Variants in FOXD4L5 observed in about 807,000 individuals in gnomAD.
FOXD4L5 encodes forkhead box D4 like 5, also known as forkhead box protein D4-like 5.
For missense variants in FOXD4L5, 5 were observed against 544.3 expected, an observed-to-expected ratio of 0.01 and a Z score of 9.86; for synonymous variants, 2 against 238.5, an observed-to-expected ratio of 0.01 and a Z score of 9.14.
rs1307242069 is a variant in FOXD4L5, at chr9:65,284,544, C to A, written c.-167G>T. ...TCTACTCCTTTGCAACAACGTCCGGCAAAGATGCCTTTGCCTTTTATAAAA... is the reference window on the plus strand; with the variant it reads ...TCTACTCCTTTGCAACAACGTCCGGAAAAGATGCCTTTGCCTTTTATAAAA... On this transcript the variant is annotated 5_prime_UTR_variant, in exon 1 of 1. Coordinates refer to ENST00000377420, the MANE Select transcript of FOXD4L5 (RefSeq NM_001126334.1). The A allele has an allele frequency of 2.5e-6, 1 of 399,212 alleles. No individual in the cohort carries two copies. The highest frequency in any genetic ancestry group is 2.4e-5 in the African/African-American group (1 of 41,954). The allele number at this position is 399,212 out of a possible 1,614,324, so 24.7% of individuals were successfully genotyped here.
At position 65,284,388 on chromosome 9, in the gene FOXD4L5, G is replaced by T. The variant is rs1361699884; in HGVS notation, c.-11C>A. 4 of 1,460,772 alleles carry T rather than the reference G, an allele frequency of 2.7e-6. No individual in the cohort carries two copies. Among genetic ancestry groups the T allele is most frequent in the South Asian group, 2.4e-5 (2 of 81,964 alleles). The allele number at this position is 1,460,772 out of a possible 1,614,324, so 90.5% of individuals were successfully genotyped here. A position where few individuals can be genotyped will look rare whatever the true frequency, so the allele number is the denominator to read the frequency against. On this transcript the variant is annotated 5_prime_UTR_variant, in exon 1 of 1. Coordinates refer to ENST00000377420, the MANE Select transcript of FOXD4L5 (RefSeq NM_001126334.1). ...TCTTGGCAGGTTCATGGAGGAGCAG[G>T]TGCTTCAGTCGCAGGGGATGTGGCG...
chr9:65,282,670 GCATACAGGGAAT>G lies in FOXD4L5; in HGVS notation c.*445_*456del, dbSNP rs1259585660. ...AACTTCAGTGAAACCTGTCCATCAGGCATACAGGGAATGACGGAAAAGGTGACAACAGAAGAT... is the reference window on the plus strand; with the variant it reads ...AACTTCAGTGAAACCTGTCCATCAGGGACGGAAAAGGTGACAACAGAAGAT... On this transcript the variant is annotated 3_prime_UTR_variant, in exon 1 of 1. Coordinates refer to ENST00000377420, the MANE Select transcript of FOXD4L5 (RefSeq NM_001126334.1). 4.5e-5 allele frequency: 7 copies of G among 156,070 alleles called. 3 individuals are homozygous for G. The highest frequency in any genetic ancestry group is 9.7e-5 in the Non-Finnish European group (7 of 71,980). 9.7% of individuals were successfully genotyped at this position (156,070 alleles called of 1,614,324 possible). A position where few individuals can be genotyped will look rare whatever the true frequency, so the allele number is the denominator to read the frequency against.
chr9:65,282,721 C>T lies in FOXD4L5; in HGVS notation c.*406G>A, dbSNP rs2131055715. 1 of 262,948 alleles carries T rather than the reference C, an allele frequency of 3.8e-6. No individual in the cohort carries two copies. The highest frequency in any genetic ancestry group is 7.2e-6 in the Non-Finnish European group (1 of 138,012). The allele number at this position is 262,948 out of a possible 1,614,324, so 16.3% of individuals were successfully genotyped here. A position where few individuals can be genotyped will look rare whatever the true frequency, so the allele number is the denominator to read the frequency against. On this transcript the variant is annotated 3_prime_UTR_variant, in exon 1 of 1. Transcript: ENST00000377420. ...ACAACAGAAGATGAATGCTATGTCA[C>T]TAACCTTCAAAGATGACAATGTGCA...
chr9:65,285,194 A>AG lies in FOXD4L5; in HGVS notation c.-818dup, dbSNP rs1176942384. 2.2e-3 allele frequency: 232 copies of AG among 107,148 alleles called. No homozygotes were observed. Among genetic ancestry groups the AG allele is most frequent in the African/African-American group, 7.0e-3 (221 of 31,624 alleles). The allele number at this position is 107,148 out of a possible 1,614,324, so 6.6% of individuals were successfully genotyped here. ...AGCACTAAATTGTGTAAGTTTATTC[A>AG]GGGAAGGCAGGAGAGCTCACACGGA... On this transcript the variant is annotated 5_prime_UTR_variant, in exon 1 of 1. Transcript: ENST00000377420.
rs1179263416 is a variant in FOXD4L5 at position 65,282,107 on chromosome 9, A to G, written c.*1020T>C. 4 of 28,610 alleles carry G rather than the reference A, an allele frequency of 1.4e-4. No homozygotes were observed. Among genetic ancestry groups the G allele is most frequent in the African/African-American group, 2.2e-4 (4 of 18,288 alleles). The allele number at this position is 28,610 out of a possible 1,614,324, so 1.8% of individuals were successfully genotyped here. A position where few individuals can be genotyped will look rare whatever the true frequency, so the allele number is the denominator to read the frequency against. On this transcript the variant is annotated 3_prime_UTR_variant, in exon 1 of 1. Coordinates refer to ENST00000377420, the MANE Select transcript of FOXD4L5 (RefSeq NM_001126334.1). ...AGCATTGAAGTCCGTATACTTCAAT[A>G]TCCTCCCCTCTTCTCATTTGTCTTT...
Position 65,282,700 on chromosome 9 carries a change from C to T in FOXD4L5, c.*427G>A. 1 of 205,104 alleles carries T rather than the reference C, an allele frequency of 4.9e-6. No individual in the cohort carries two copies. Among genetic ancestry groups the T allele is most frequent in the Non-Finnish European group, 9.9e-6 (1 of 101,420 alleles). 12.7% of individuals were successfully genotyped at this position (205,104 alleles called of 1,614,324 possible). A position where few individuals can be genotyped will look rare whatever the true frequency, so the allele number is the denominator to read the frequency against. ...CAGGGAATGACGGAAAAGGTGACAA[C>T]AGAAGATGAATGCTATGTCACTAAC... On this transcript the variant is annotated 3_prime_UTR_variant, in exon 1 of 1. Coordinates refer to ENST00000377420, the MANE Select transcript of FOXD4L5 (RefSeq NM_001126334.1).
Position 65,282,187 on chromosome 9 carries a change from T to A in FOXD4L5, c.*940A>T, listed in dbSNP as rs1284042996. On this transcript the variant is annotated 3_prime_UTR_variant, in exon 1 of 1. Transcript: ENST00000377420. The stretch of plus-strand genomic sequence containing the variant: ...AATAAATTCTCTTTTTTAAACTGAA[T>A]TGAAGCCGTGGAGCAGTGTTTTGTT... 245 of 26,656 alleles carry A rather than the reference T, an allele frequency of 9.2e-3. 2 individuals are homozygous for A. Among genetic ancestry groups the A allele is most frequent in the African/African-American group, 0.014 (240 of 17,668 alleles). 1.7% of individuals were successfully genotyped at this position (26,656 alleles called of 1,614,324 possible).
At position 65,285,039 on chromosome 9, in the gene FOXD4L5, G is replaced by GAATTAT. The variant is rs1337439949; in HGVS notation, c.-668_-663dup. The GAATTAT allele has an allele frequency of 7.2e-5, 3 of 41,530 alleles. No individual in the cohort carries two copies. Among genetic ancestry groups the GAATTAT allele is most frequent in the South Asian group, 9.9e-4 (1 of 1,014 alleles). The allele number at this position is 41,530 out of a possible 1,614,324, so 2.6% of individuals were successfully genotyped here. On this transcript the variant is annotated 5_prime_UTR_variant, in exon 1 of 1. Transcript: ENST00000377420. ...CTGTCCTTACCCAGAATGGTGAGCT[G>GAATTAT]AATTATATTTAAGGTTCTGACAATA...
In FOXD4L5 at chr9:65,284,515, T is replaced by C; in HGVS notation, c.-138A>G. ...ACCCTTTGGGATGTTTTCGTCTGCT[T>C]GTTTCTACTCCTTTGCAACAACGTC... is the stretch of plus-strand genomic sequence containing the variant. On this transcript the variant is annotated 5_prime_UTR_variant, in exon 1 of 1. Transcript: ENST00000377420. The C allele has an allele frequency of 2.7e-6, 2 of 733,732 alleles. No individual in the cohort carries two copies. The highest frequency in any genetic ancestry group is 4.0e-6 in the Non-Finnish European group (2 of 498,870). 45.5% of individuals were successfully genotyped at this position (733,732 alleles called of 1,614,324 possible).
Position 65,284,412 on chromosome 9 carries a change from C to T in FOXD4L5, c.-35G>A, listed in dbSNP as rs543648113. ...GGTGCTTCAGTCGCAGGGGATGTGGCGGCCGATCACCTGGCCTGGGGCGGG... is the reference window on the plus strand; with the variant it reads ...GGTGCTTCAGTCGCAGGGGATGTGGTGGCCGATCACCTGGCCTGGGGCGGG... On this transcript the variant is annotated 5_prime_UTR_variant, in exon 1 of 1. Transcript: ENST00000377420. The T allele has an allele frequency of 2.0e-3, 2,587 of 1,293,646 alleles. 64 individuals carry two copies. In the African/African-American group the frequency reaches 0.034, roughly 17 times the overall value. The allele number at this position is 1,293,646 out of a possible 1,614,324, so 80.1% of individuals were successfully genotyped here.
chr9:65,283,474 G>A lies in FOXD4L5; in HGVS notation c.904C>T (p.His302Tyr), dbSNP rs1823516512. The A allele has an allele frequency of 1.9e-6, 3 of 1,611,054 alleles. No homozygotes were observed. Among genetic ancestry groups the A allele is most frequent in the Non-Finnish European group, 1.7e-6 (2 of 1,179,756 alleles). ...CTCCTCCCAAGGCTGAGGACCAAGT[G>A]AGGGCTGCAGCACGGGAAGGGTGCC... is the stretch of plus-strand genomic sequence containing the variant. ...TPAPFPCCSP[H>Y]LVLSLGRRAR... Residue 302 changes from histidine (H) to tyrosine (Y), a missense_variant, in exon 1 of 1, where the codon CAC becomes TAC. By Grantham distance (83) the His-to-Tyr change is moderately conservative. Transcript: ENST00000377420.
Position 65,284,537 on chromosome 9 carries a change from C to T in FOXD4L5, c.-160G>A. 4.5e-6 allele frequency: 2 copies of T among 446,634 alleles called. No homozygotes were observed. Among genetic ancestry groups the T allele is most frequent in the Non-Finnish European group, 7.5e-6 (2 of 265,528 alleles). The allele number at this position is 446,634 out of a possible 1,614,324, so 27.7% of individuals were successfully genotyped here. ...GCTTGTTTCTACTCCTTTGCAACAACGTCCGGCAAAGATGCCTTTGCCTTT... is the reference window on the plus strand; with the variant it reads ...GCTTGTTTCTACTCCTTTGCAACAATGTCCGGCAAAGATGCCTTTGCCTTT... On this transcript the variant is annotated 5_prime_UTR_variant, in exon 1 of 1. Coordinates refer to ENST00000377420, the MANE Select transcript of FOXD4L5 (RefSeq NM_001126334.1).
chr9:65,284,470 A>C lies in FOXD4L5; in HGVS notation c.-93T>G, dbSNP rs540171718. 1,240 of 1,063,696 alleles carry C rather than the reference A, an allele frequency of 1.2e-3. 398 individuals are homozygous for C. The highest frequency in any genetic ancestry group is 9.2e-3 in the Middle Eastern group (27 of 2,922). 65.9% of individuals were successfully genotyped at this position (1,063,696 alleles called of 1,614,324 possible). A position where few individuals can be genotyped will look rare whatever the true frequency, so the allele number is the denominator to read the frequency against. On this transcript the variant is annotated 5_prime_UTR_variant, in exon 1 of 1. Coordinates refer to ENST00000377420, the MANE Select transcript of FOXD4L5 (RefSeq NM_001126334.1). The stretch of plus-strand genomic sequence containing the variant: ...GGAAGCCTGGGATGAATGTTGCAAG[A>C]AGCAGCAATGCTAGTGGTTACCCTT...
Position 65,283,495 on chromosome 9 carries a change from G to T in FOXD4L5, c.883C>A (p.Pro295Thr), listed in dbSNP as rs765378151. The change falls in exon 1 of 1, where the codon CCC becomes ACC. Residue 295 changes from proline (P) to threonine (T), a missense_variant. Coordinates refer to ENST00000377420, the MANE Select transcript of FOXD4L5 (RefSeq NM_001126334.1). ...AAGTGAGGGCTGCAGCACGGGAAGG[G>T]TGCCGGGGTCGCCAGGTCCGCGCCT... is the stretch of plus-strand genomic sequence containing the variant. ...AEGADLATPA[P>T]FPCCSPHLVL... 1 of 1,610,532 alleles carries T rather than the reference G, an allele frequency of 6.2e-7. No individual in the cohort carries two copies. The highest frequency in any genetic ancestry group is 1.3e-5 in the African/African-American group (1 of 74,836).
Position 65,284,570 on chromosome 9 carries a change from GCTT to G in FOXD4L5, c.-196_-194del, listed in dbSNP as rs1823536227. On this transcript the variant is annotated 5_prime_UTR_variant, in exon 1 of 1. Coordinates refer to ENST00000377420, the MANE Select transcript of FOXD4L5 (RefSeq NM_001126334.1). ...AAAGATGCCTTTGCCTTTTATAAAA[GCTT>G]CTTCAAGACCATGTGTGGTGGACTC... 3.3e-6 allele frequency: 1 copy of G among 299,246 alleles called. No homozygotes were observed. The highest frequency in any genetic ancestry group is 3.0e-5 in the African/African-American group (1 of 32,984). 18.5% of individuals were successfully genotyped at this position (299,246 alleles called of 1,614,324 possible).
In FOXD4L5 at chr9:65,283,121, G is replaced by GAT; in HGVS notation, c.*4_*5dup. The GAT allele has an allele frequency of 9.3e-6, 8 of 856,814 alleles. No homozygotes were observed. The highest frequency in any genetic ancestry group is 1.3e-5 in the Non-Finnish European group (8 of 594,524). 53.1% of individuals were successfully genotyped at this position (856,814 alleles called of 1,614,324 possible). Reference sequence around the variant, plus strand: ...AGCCTAGAGCCCTCCGCCACTGCCTGATACCTCAGCAGCGCCGACGAGGCC... The same window carrying GAT: ...AGCCTAGAGCCCTCCGCCACTGCCTGATATACCTCAGCAGCGCCGACGAGGCC... On this transcript the variant is annotated 3_prime_UTR_variant, in exon 1 of 1. Transcript: ENST00000377420.
In FOXD4L5 at chr9:65,282,858, GTAATC is replaced by G; in HGVS notation, c.*264_*268del. 4.3e-5 allele frequency: 3 copies of G among 69,546 alleles called. No individual in the cohort carries two copies. Among genetic ancestry groups the G allele is most frequent in the Non-Finnish European group, 1.0e-4 (3 of 29,424 alleles). 4.3% of individuals were successfully genotyped at this position (69,546 alleles called of 1,614,324 possible). A position where few individuals can be genotyped will look rare whatever the true frequency, so the allele number is the denominator to read the frequency against. On this transcript the variant is annotated 3_prime_UTR_variant, in exon 1 of 1. Transcript: ENST00000377420. ...GGAACGTAATCCAGCTTAGAGGAAT[GTAATC>G]TTTCTAACCATTTTGCAGCGAACGA... is the stretch of plus-strand genomic sequence containing the variant.
chr9:65,284,416 C>A lies in FOXD4L5; in HGVS notation c.-39G>T. The A allele has an allele frequency of 1.6e-6, 2 of 1,277,662 alleles. No homozygotes were observed. The highest frequency in any genetic ancestry group is 2.1e-6 in the Non-Finnish European group (2 of 935,386). The allele number at this position is 1,277,662 out of a possible 1,614,324, so 79.1% of individuals were successfully genotyped here. A position where few individuals can be genotyped will look rare whatever the true frequency, so the allele number is the denominator to read the frequency against. On this transcript the variant is annotated 5_prime_UTR_variant, in exon 1 of 1. Coordinates refer to ENST00000377420, the MANE Select transcript of FOXD4L5 (RefSeq NM_001126334.1). ...CTTCAGTCGCAGGGGATGTGGCGGC[C>A]GATCACCTGGCCTGGGGCGGGCTGA...
At position 65,284,425 on chromosome 9, in the gene FOXD4L5, G is replaced by C. The variant is rs1299592170; in HGVS notation, c.-48C>G. On this transcript the variant is annotated 5_prime_UTR_variant, in exon 1 of 1. Transcript: ENST00000377420. The stretch of plus-strand genomic sequence containing the variant: ...CAGGGGATGTGGCGGCCGATCACCT[G>C]GCCTGGGGCGGGCTGAGCTGGAAGC... 2 of 1,222,774 alleles carry C rather than the reference G, an allele frequency of 1.6e-6. 1 individual carries two copies. Among genetic ancestry groups the C allele is most frequent in the Non-Finnish European group, 2.3e-6 (2 of 886,210 alleles). 75.7% of individuals were successfully genotyped at this position (1,222,774 alleles called of 1,614,324 possible).
Sources: allele counts gnomAD v4.1 joint callset, GRCh38; gene constraint gnomAD v4.1.1; transcripts MANE v1.5; gene names NCBI Gene and HGNC (gene_info 2026-07-23, HGNC 2026-07-21).